Variants in PPP2R1B observed in about 807,000 individuals in gnomAD.
PPP2R1B encodes protein phosphatase 2 scaffold subunit Abeta, also known as serine/threonine-protein phosphatase 2A 65 kDa regulatory subunit A beta isoform.
A neutral mutation model predicts 72.7 loss-of-function variants in PPP2R1B; 58 were observed. The observed-to-expected ratio is 0.80, with a 90% CI of 0.65 to 0.99. The LOEUF (loss-of-function observed/expected upper bound fraction) is 0.99. Among genes scored for constraint, PPP2R1B ranks in the 50% least tolerant of loss-of-function variants. PPP2R1B has a pLI of 0.00. For missense variants in PPP2R1B, 695 were observed against 733.6 expected, an observed-to-expected ratio of 0.95 and a Z score of 0.61; for synonymous variants, 256 against 264.6, an observed-to-expected ratio of 0.97 and a Z score of 0.32.
chr11:111,703,085 T>C, the PPP2R1B span: 1 of 812,738 alleles, frequency 1.2e-6, no homozygotes. Flanking sequence ...TTTGACCTTC[T>C]GCTTTCCAGT....
chr11:111,724,171 G>A (rs570496665), downstream of PPP2R1B: 5 of 1,561,592 alleles, frequency 3.2e-6, no homozygotes, highest in Admixed American at 3.7e-5. Context: ...AAGGAAGAGT[G>A]TATGTTCCTA....
chr11:111,721,060 CA>C, the PPP2R1B span: 1 of 1,611,744 alleles, frequency 6.2e-7, no homozygotes, highest in Non-Finnish European at 8.5e-7. Flanking sequence ...CAGCTGCCCT[CA>C]GGTGGGTACC....
rs781850105 is a variant in PPP2R1B at position 111,755,113 on chromosome 11, G to A, written c.844-19C>T. The stretch of plus-strand genomic sequence containing the variant: ...TCTGGAGCTATAAAAGAATTTGAAC[G>A]GGTTTTAATGTATACTAACAAAAGA... On this transcript the variant is annotated intron_variant, in intron 6 of 14. Transcript: ENST00000527614. 9.4e-5 allele frequency: 148 copies of A among 1,581,426 alleles called. 2 individuals carry two copies. The South Asian group carries it at 1.1e-3, about 12-fold the overall frequency.
chr11:111,694,292 G>GT, the PPP2R1B span, among the ~76,000 whole-genome samples: 1 of 152,152 alleles, frequency 6.6e-6, no homozygotes, highest in South Asian at 2.1e-4. Context: ...ACCAAGGAAA[G>GT]TTTTTCACAT....
chr11:111,737,770 C>T, downstream of PPP2R1B: 1 of 1,321,440 alleles, frequency 7.6e-7, no homozygotes, highest in South Asian at 1.6e-5. Context: ...CCCTCGGGGC[C>T]CTGGAAAGCG....
chr11:111,749,804 A>C (rs1555047349), intron 10 of PPP2R1B, among the ~76,000 whole-genome samples: 2 of 152,234 alleles, frequency 1.3e-5, no homozygotes. Context: ...GACAGGTGTA[A>C]GTCAGCCAAA....
chr11:111,688,022 G>A, the PPP2R1B span: 118 of 1,614,028 alleles, frequency 7.3e-5, no homozygotes, highest in Middle Eastern at 1.7e-4. The surrounding 1 kb of genome is among the most constrained non-coding windows in gnomAD (Gnocchi z 4.2). Context: ...AATCATGGCC[G>A]GTTAAATGAG....
intron 1 of PPP2R1B, 105 bp downstream of exon 1, chr11:111,766,143 G>A (rs921243013): frequency 2.5e-5 from 27 of 1,071,240 alleles, no homozygotes; most frequent in Non-Finnish European, 3.2e-5. Flanking sequence ...CTACGAGTCC[G>A]ACTCATTCAG....
chr11:111,706,452 G>T, the PPP2R1B span, among the ~76,000 whole-genome samples: 1,136 of 152,244 alleles, frequency 7.5e-3, 14 homozygotes, highest in Non-Finnish European at 0.012. Context: ...ATGCTCCATT[G>T]ACTTTCCTGT....
downstream of PPP2R1B, chr11:111,724,407 C>A: frequency 2.2e-6 from 1 of 457,506 alleles, no homozygotes. Flanking sequence ...GCAGCACTGA[C>A]AAATGTGTTC....
In PPP2R1B at chr11:111,755,094, G is replaced by C; in HGVS notation, c.844C>G (p.Leu282Val). Residue 282 changes from leucine to valine, a missense_variant and splice_region_variant, in exon 7 of 15, where the codon CTC becomes GTC. Transcript: ENST00000527614. Reference sequence around the variant, plus strand: ...ATTTTAGGACCCATGGCTTTCTGGAGCTATAAAAGAATTTGAACGGGTTTT... The same window carrying C: ...ATTTTAGGACCCATGGCTTTCTGGACCTATAAAAGAATTTGAACGGGTTTT... ...RYMVADRFSE[L>V]QKAMGPKITL... 1.9e-6 allele frequency: 3 copies of C among 1,603,284 alleles called. No homozygotes were observed. Among genetic ancestry groups the C allele is most frequent in the Non-Finnish European group, 2.6e-6 (3 of 1,172,720 alleles).
At chr11:111,760,741 G>T in intron 4 of PPP2R1B, 78 bp downstream of exon 4, 1 of 1,296,044 alleles carries the variant, frequency 7.7e-7, no homozygotes, top group Non-Finnish European at 1.1e-6. Flanking sequence ...TCAGCTACAA[G>T]TCCCCAGTAA....
rs1170378133 is a variant in PPP2R1B at position 111,743,427 on chromosome 11, C to T, written c.1503G>A (p.Met501Ile). The T allele has an allele frequency of 6.2e-7, 1 of 1,612,948 alleles. No individual in the cohort carries two copies. The highest frequency in any genetic ancestry group is 1.1e-5 in the South Asian group (1 of 91,024). ...TATGCAAGTAATTAGGATCATTTGC[C>T]ATTACTAACACTTTGGGAACAATAG... ...QNTIVPKVLV[M>I]ANDPNYLHRM... Residue 501 changes from methionine to isoleucine, a missense_variant, in exon 12 of 15, where the codon ATG (methionine) becomes ATA (isoleucine). Physicochemically the swap from Met to Ile is conservative, Grantham distance 10. Transcript: ENST00000527614.
chr11:111,715,322 G>A, the PPP2R1B span, among the ~76,000 whole-genome samples: 1 of 152,064 alleles, frequency 6.6e-6, no homozygotes, highest in African/African-American at 2.4e-5. Flanking sequence ...CACACACACA[G>A]AAAAACTTAT....
chr11:111,742,758 C>G, intron 12 of PPP2R1B, 93 bp from the exon 13 acceptor site: 1 of 1,201,770 alleles, frequency 8.3e-7, no homozygotes, highest in Non-Finnish European at 1.1e-6. Context: ...AAATAATTGA[C>G]CAATAGGAAA....
intron 15 of PPP2R1B, chr11:111,730,067 T>C (rs1303188217): frequency 2.6e-5 from 4 of 152,258 alleles, no homozygotes; most frequent in Non-Finnish European, 5.9e-5. Flanking sequence ...TAACATTTCC[T>C]TACAGTCAAG....
At chr11:111,712,302 C>A in the PPP2R1B span, 5 of 1,614,200 alleles carry the variant, frequency 3.1e-6, no homozygotes, top group Non-Finnish European at 4.2e-6. Flanking sequence ...AACGTGGAGG[C>A]CTTTTCATTT....
At chr11:111,718,289 T>C in the PPP2R1B span, among the ~76,000 whole-genome samples, 1 of 152,220 alleles carries the variant, frequency 6.6e-6, no homozygotes, top group East Asian at 1.9e-4. Flanking sequence ...GAATGTAAGT[T>C]CTCAAACAGC....
At chr11:111,742,725 A>C in intron 12 of PPP2R1B, 60 bp from the exon 13 acceptor site, 1 of 1,408,424 alleles carries the variant, frequency 7.1e-7, no homozygotes, top group South Asian at 1.5e-5. Flanking sequence ...AAATCTAATG[A>C]AACAAATTAA....
Sources: allele counts gnomAD v4.1 joint callset (sites outside exome capture counted in the v4.1 genomes callset), GRCh38; gene constraint gnomAD v4.1.1; non-coding constraint Gnocchi (gnomAD v3.1); transcripts MANE v1.5; gene names NCBI Gene and HGNC (gene_info 2026-07-23, HGNC 2026-07-21).